PLEKHA7: variants seen among roughly 807,000 people sequenced by gnomAD.
PLEKHA7 encodes the protein pleckstrin homology domain-containing family A member 7.
Under a neutral mutation model 170.0 loss-of-function variants are expected in PLEKHA7, and 104 were observed. The ratio of observed to expected loss-of-function variants is 0.61; its 90% CI spans 0.52 to 0.72. PLEKHA7 has a LOEUF of 0.72. Among genes scored for constraint, PLEKHA7 ranks in the 30% least tolerant of loss-of-function variants. The probability of loss-of-function intolerance (pLI) is 0.00; values close to 1 mark genes in which losing one functional copy is unlikely to be tolerated. For synonymous variants in PLEKHA7, 648 were observed against 660.8 expected (o/e 0.98, Z 0.30); for missense variants, 1,615 against 1,671.7 (o/e 0.97, Z 0.59).
At chr11:16,821,110 C>G (rs541754829) in intron 10 of PLEKHA7, among the ~76,000 whole-genome samples, 4 of 152,188 alleles carry the variant, frequency 2.6e-5, no homozygotes, top group Non-Finnish European at 5.9e-5. Context: ...TGAACAGGCA[C>G]TAAACAGGAT....
At chr11:16,967,117 C>T (rs1305746445) in intron 3 of PLEKHA7, among the ~76,000 whole-genome samples, 4 of 152,224 alleles carry the variant, frequency 2.6e-5, no homozygotes, top group South Asian at 2.1e-4. Context: ...CTAAGACACA[C>T]ATGCTCTCAA....
At chr11:16,808,677 G>C (rs547527452) in intron 13 of PLEKHA7, among the ~76,000 whole-genome samples, 30 of 152,218 alleles carry the variant, frequency 2.0e-4, no homozygotes, top group African/African-American at 6.3e-4. Flanking sequence ...ATCTACAAAG[G>C]CTCCACGAGT....
chr11:16,825,914 A>T (rs1205841621), intron 10 of PLEKHA7, among the ~76,000 whole-genome samples: 2 of 152,216 alleles, frequency 1.3e-5, no homozygotes, highest in East Asian at 3.9e-4. Flanking sequence ...TGCTGTGGGC[A>T]GGTTCCTTCA....
chr11:16,926,135 T>C (rs1212090833), intron 3 of PLEKHA7, among the ~76,000 whole-genome samples: 2 of 152,166 alleles, frequency 1.3e-5, no homozygotes, highest in African/African-American at 2.4e-5. Flanking sequence ...TAACAATCCC[T>C]GGTAAATTGC....
chr11:16,947,210 G>A (rs1861082650), intron 3 of PLEKHA7, among the ~76,000 whole-genome samples: 1 of 152,226 alleles, frequency 6.6e-6, no homozygotes, highest in Admixed American at 6.5e-5. Context: ...TGGTGAGGAT[G>A]TGGAGAAAAG....
chr11:16,896,675 A>C (rs1258003708), intron 3 of PLEKHA7, among the ~76,000 whole-genome samples: 2 of 152,190 alleles, frequency 1.3e-5, no homozygotes, highest in Non-Finnish European at 2.9e-5. Flanking sequence ...CTCTAAATCT[A>C]TAAACTGTGC....
At chr11:16,978,025 G>A (rs941209426) in intron 3 of PLEKHA7, among the ~76,000 whole-genome samples, 2 of 152,024 alleles carry the variant, frequency 1.3e-5, no homozygotes, top group South Asian at 2.1e-4. Flanking sequence ...ATTAAAATCG[G>A]TTGGACAGCA....
intron 3 of PLEKHA7, among the ~76,000 whole-genome samples, chr11:16,977,376 C>T (rs1401318121): frequency 6.6e-6 from 1 of 152,160 alleles, no homozygotes; most frequent in Non-Finnish European, 1.5e-5. Context: ...ACATTGCTCA[C>T]ACGTCTCCCT....
chr11:16,812,734 CCACCA>C (rs1849461415), intron 13 of PLEKHA7, among the ~76,000 whole-genome samples: 1 of 152,162 alleles, frequency 6.6e-6, no homozygotes, highest in Non-Finnish European at 1.5e-5. Flanking sequence ...ACCAAAGAAC[CCACCA>C]CACCACTTGT....
At chr11:16,975,105 T>C (rs1314863301) in intron 3 of PLEKHA7, 3 of 535,730 alleles carry the variant, frequency 5.6e-6, no homozygotes, top group African/African-American at 4.0e-5. Flanking sequence ...ATCACATGCA[T>C]ACATTCATGT....
At chr11:16,873,049 A>G (rs1854992810) in intron 3 of PLEKHA7, among the ~76,000 whole-genome samples, 1 of 152,166 alleles carries the variant, frequency 6.6e-6, no homozygotes, top group African/African-American at 2.4e-5. Flanking sequence ...CTTGGGTTAA[A>G]GTCTCAAAGG....
intron 9 of PLEKHA7, among the ~76,000 whole-genome samples, chr11:16,834,114 G>C (rs376302118): frequency 6.6e-6 from 1 of 152,210 alleles, no homozygotes; most frequent in African/African-American, 2.4e-5. Context: ...GGGTTCAAGC[G>C]GTTCTCCTGT....
intron 9 of PLEKHA7, among the ~76,000 whole-genome samples, chr11:16,838,318 G>A (rs1376237390): frequency 6.6e-6 from 1 of 151,888 alleles, no homozygotes; most frequent in Non-Finnish European, 1.5e-5. Context: ...GACCAGACAG[G>A]GCAACATAGT....
At chr11:16,801,155 C>G in intron 16 of PLEKHA7, 80 bp from the exon 17 acceptor site, 1 of 1,185,162 alleles carries the variant, frequency 8.4e-7, no homozygotes, top group Non-Finnish European at 1.3e-6. Context: ...GTACTCCTGA[C>G]CATGCTGACC....
chr11:16,892,641 T>TC (rs1856739733), intron 3 of PLEKHA7, among the ~76,000 whole-genome samples: 3 of 141,222 alleles, frequency 2.1e-5, no homozygotes, highest in South Asian at 4.7e-4. Flanking sequence ...TTTTTTTTTT[T>TC]CGTATTTTTA....
chr11:16,872,257 G>A (rs963797190), intron 3 of PLEKHA7, among the ~76,000 whole-genome samples: 1 of 151,502 alleles, frequency 6.6e-6, no homozygotes. Flanking sequence ...GTGAGCCACC[G>A]TGCCCCACCT....
chr11:16,983,811 G>A (rs1863576045), intron 3 of PLEKHA7, among the ~76,000 whole-genome samples: 1 of 152,224 alleles, frequency 6.6e-6, no homozygotes, highest in Admixed American at 6.5e-5. Context: ...CAAAAGGGCA[G>A]AAGATAGGTG....
At chr11:16,927,328 T>C (rs920865957) in intron 3 of PLEKHA7, among the ~76,000 whole-genome samples, 1 of 152,246 alleles carries the variant, frequency 6.6e-6, no homozygotes, top group African/African-American at 2.4e-5. Context: ...AAAATTATAA[T>C]AGTGAATACG....
chr11:16,869,681 GATAAA>G (rs368248520), intron 4 of PLEKHA7, among the ~76,000 whole-genome samples: 103 of 152,332 alleles, frequency 6.8e-4, no homozygotes, highest in African/African-American at 2.4e-3. Context: ...TGAAGGGATA[GATAAA>G]ATAAAATTAG....
Sources: allele counts gnomAD v4.1 joint callset (sites outside exome capture counted in the v4.1 genomes callset), GRCh38; gene constraint gnomAD v4.1.1; transcripts MANE v1.5; gene names NCBI Gene and HGNC (gene_info 2026-07-23, HGNC 2026-07-21).